TUB: variants seen among roughly 807,000 people sequenced by gnomAD.
TUB encodes the protein TUB bipartite transcription factor, also known as tubby protein homolog.
TUB carries 33 observed loss-of-function variants against 59.7 expected under a neutral mutation model. The ratio of observed to expected loss-of-function variants is 0.55; its 90% CI spans 0.42 to 0.74. The LOEUF is 0.74. Ranked by LOEUF, TUB falls within the 30% of genes least tolerant of loss-of-function variation. The pLI, the probability that TUB is intolerant of heterozygous loss-of-function variation, is 0.00. For synonymous variants in TUB, 293 were observed against 256.4 expected (o/e 1.14, Z -1.36); for missense variants, 659 against 672.0 (o/e 0.98, Z 0.21).
intron 1 of TUB, chr11:8,019,374 G>T (rs1400219860): frequency 4.0e-6 from 5 of 1,245,026 alleles, no homozygotes; most frequent in Non-Finnish European, 5.0e-6. Context: ...GCGCCCGAAG[G>T]GTGGCCCTGC....
In TUB at chr11:8,103,049, CG is replaced by C. The variant is rs1223475091; in HGVS notation, c.*1431del. ...GTTGAAAGTTGTCTGGCTTTTTGCACGTGAGTATGATCCAGGATTGGCCTGT... is the reference window on the plus strand; with the variant it reads ...GTTGAAAGTTGTCTGGCTTTTTGCACTGAGTATGATCCAGGATTGGCCTGT... On this transcript the variant is annotated 3_prime_UTR_variant, in exon 12 of 12. Coordinates refer to ENST00000299506, the MANE Select transcript of TUB (RefSeq NM_177972.3). 1 of 152,222 alleles carries C rather than the reference CG, an allele frequency of 6.6e-6. No homozygotes were observed. Among genetic ancestry groups the C allele is most frequent in the Non-Finnish European group, 1.5e-5 (1 of 68,076 alleles). The allele number at this position is 152,222 out of a possible 1,614,324, so 9.4% of individuals were successfully genotyped here. A position where few individuals can be genotyped will look rare whatever the true frequency, so the allele number is the denominator to read the frequency against.
intron 1 of TUB, among the ~76,000 whole-genome samples, chr11:8,085,996 G>A (rs1258712719): frequency 6.6e-6 from 1 of 152,206 alleles, no homozygotes; most frequent in East Asian, 1.9e-4. Context: ...GGACTGAGCA[G>A]ATGGATTGGT....
At chr11:8,019,558 C>A (rs1360276961) in intron 1 of TUB, among the ~76,000 whole-genome samples, 1 of 152,118 alleles carries the variant, frequency 6.6e-6, no homozygotes, top group East Asian at 1.9e-4. Flanking sequence ...TGTCCCCACA[C>A]CCACGGGGCA....
intron 2 of TUB, among the ~76,000 whole-genome samples, chr11:8,040,660 G>T (rs191054121): frequency 6.6e-6 from 1 of 152,146 alleles, no homozygotes; most frequent in African/African-American, 2.4e-5. Context: ...ACAGTGGTGT[G>T]GGGGAGGGTG....
rs560556954 is a variant in TUB, at chr11:8,104,420, G to A, written c.*2801G>A. The stretch of plus-strand genomic sequence containing the variant: ...TCTGGCTCCAAGGTGCTCTGTGTCC[G>A]TCTGTGTATGTGTGTGTCTGTGCGT... On this transcript the variant is annotated 3_prime_UTR_variant, in exon 12 of 12. Transcript: ENST00000299506. The A allele has an allele frequency of 3.3e-5, 5 of 152,376 alleles. No homozygotes were observed. Among genetic ancestry groups the A allele is most frequent in the South Asian group, 2.1e-4 (1 of 4,818 alleles). The allele number at this position is 152,376 out of a possible 1,614,324, so 9.4% of individuals were successfully genotyped here.
chr11:8,059,042 C>T (rs1301526999), intron 2 of TUB, among the ~76,000 whole-genome samples: 1 of 152,184 alleles, frequency 6.6e-6, no homozygotes, highest in Non-Finnish European at 1.5e-5. Flanking sequence ...ATAGTCCCAA[C>T]ATGTCTCCTT....
chr11:8,038,664 G>A (rs549177908), exon 1 of TUB: 3 of 1,365,928 alleles, frequency 2.2e-6, no homozygotes, highest in South Asian at 3.3e-5. Flanking sequence ...TGAAGGGTTT[G>A]GGGGGAGACT....
intron 2 of TUB, among the ~76,000 whole-genome samples, chr11:8,041,767 C>T (rs552484526): frequency 6.6e-6 from 1 of 152,310 alleles, no homozygotes; most frequent in Non-Finnish European, 1.5e-5. Context: ...ACCACCTGGC[C>T]TCTTAGTCTC....
At chr11:8,087,843 T>C (rs181742431) in intron 1 of TUB, among the ~76,000 whole-genome samples, 2 of 152,346 alleles carry the variant, frequency 1.3e-5, no homozygotes, top group Non-Finnish European at 2.9e-5. Flanking sequence ...GAACCCTTTC[T>C]TCAGAAGTCT....
At chr11:8,093,939 T>C in intron 3 of TUB, 107 bp from the exon 4 acceptor site, 1 of 1,350,356 alleles carries the variant, frequency 7.4e-7, no homozygotes, top group East Asian at 2.3e-5. Context: ...CTGGTGGGAC[T>C]CGGGGTGCAG....
chr11:8,059,064 G>A (rs1589939237), intron 2 of TUB, among the ~76,000 whole-genome samples: 1 of 152,162 alleles, frequency 6.6e-6, no homozygotes, highest in Non-Finnish European at 1.5e-5. Flanking sequence ...CTGTGCAGAC[G>A]GTGAGGTAGG....
intron 2 of TUB, among the ~76,000 whole-genome samples, chr11:8,056,907 G>T (rs1303226131): frequency 6.6e-6 from 1 of 152,124 alleles, no homozygotes; most frequent in Non-Finnish European, 1.5e-5. Flanking sequence ...GTGTGTGGGG[G>T]AAGGGCAAGT....
At chr11:8,097,519 G>T in intron 7 of TUB, 94 bp downstream of exon 7, 6 of 1,524,772 alleles carry the variant, frequency 3.9e-6, no homozygotes, top group Non-Finnish European at 4.5e-6. Context: ...ATCTACCACT[G>T]ACCTCTCAGT....
chr11:8,101,642 G>C lies in TUB; in HGVS notation c.*23G>C, dbSNP rs1461171565. The C allele has an allele frequency of 6.2e-7, 1 of 1,613,178 alleles. No individual in the cohort carries two copies. On this transcript the variant is annotated 3_prime_UTR_variant, in exon 12 of 12. Transcript: ENST00000299506. ...TAGAGGCCTCTTCGTGCCCTTTGGGGTTGCCCAGCCTGGAGCGGAGCTTGC... is the reference window on the plus strand; with the variant it reads ...TAGAGGCCTCTTCGTGCCCTTTGGGCTTGCCCAGCCTGGAGCGGAGCTTGC...
chr11:8,047,181 C>T (rs1002390512), intron 2 of TUB, among the ~76,000 whole-genome samples: 1 of 152,196 alleles, frequency 6.6e-6, no homozygotes, highest in African/African-American at 2.4e-5. Context: ...CTCATGTACT[C>T]TTTTCCATTT....
chr11:8,085,858 C>G (rs1167777197), intron 1 of TUB, among the ~76,000 whole-genome samples: 1 of 152,170 alleles, frequency 6.6e-6, no homozygotes, highest in African/African-American at 2.4e-5. Context: ...CAGAATTGTC[C>G]TTGTGTCCTT....
At chr11:8,042,528 G>GT (rs1942769663) in intron 2 of TUB, among the ~76,000 whole-genome samples, 1 of 152,174 alleles carries the variant, frequency 6.6e-6, no homozygotes, top group Non-Finnish European at 1.5e-5. Context: ...CTGTCAGAGT[G>GT]TTTTCCCAAG....
chr11:8,019,412 T>G, intron 1 of TUB: 5 of 1,226,006 alleles, frequency 4.1e-6, no homozygotes, highest in Non-Finnish European at 4.1e-6. Flanking sequence ...CTCGATCTCC[T>G]GCGGGAGAAG....
intron 9 of TUB, among the ~76,000 whole-genome samples, chr11:8,100,262 A>G (rs1325320302): frequency 6.6e-6 from 1 of 151,030 alleles, no homozygotes; most frequent in Non-Finnish European, 1.5e-5. Flanking sequence ...AGTTTGCCGG[A>G]GCGAGTGGAA....
Sources: gnomAD v4.1 joint callset for allele counts (sites outside exome capture counted in the v4.1 genomes callset) on GRCh38, gnomAD v4.1.1 for gene constraint, MANE v1.5 for transcripts, NCBI Gene and HGNC (gene_info 2026-07-23, HGNC 2026-07-21) for gene names.